Variants in TMEM120B observed in about 807,000 individuals in gnomAD.
TMEM120B encodes transmembrane protein 120B.
Under a neutral mutation model 55.5 loss-of-function variants are expected in TMEM120B, and 31 were observed. The ratio of observed to expected loss-of-function variants is 0.56; its 90% CI spans 0.42 to 0.75. The LOEUF is 0.75. TMEM120B is among the 30% of genes least tolerant of loss of function. The pLI is 0.00. For missense variants in TMEM120B, 399 were observed against 425.5 expected (o/e 0.94, Z 0.55); for synonymous variants, 203 against 176.3 (o/e 1.15, Z -1.20).
At chr12:121,766,091 A>G (rs531436767) in intron 6 of TMEM120B, among the ~76,000 whole-genome samples, 7 of 152,006 alleles carry the variant, frequency 4.6e-5, no homozygotes, top group Non-Finnish European at 1.0e-4. Flanking sequence ...GCTGAACCCT[A>G]CGGGCCTCCT....
chr12:121,718,361 T>G (rs1483777175), intron 1 of TMEM120B, among the ~76,000 whole-genome samples: 1 of 151,930 alleles, frequency 6.6e-6, no homozygotes, highest in East Asian at 1.9e-4. Context: ...AAACCTTAGC[T>G]GGGCATTGGT....
At chr12:121,730,492 A>G (rs1162825498) in intron 1 of TMEM120B, among the ~76,000 whole-genome samples, 1 of 151,356 alleles carries the variant, frequency 6.6e-6, no homozygotes, top group Non-Finnish European at 1.5e-5. Context: ...TAAAAAAAAA[A>G]ATACAAAAAT....
chr12:121,715,332 CAAAAA>C (rs1310951664), intron 1 of TMEM120B, among the ~76,000 whole-genome samples: 4 of 152,050 alleles, frequency 2.6e-5, no homozygotes, highest in African/African-American at 7.2e-5. Flanking sequence ...GACTCCGTCT[CAAAAA>C]CAAAACAAAA....
In TMEM120B at chr12:121,761,684, G is replaced by A; in HGVS notation, c.497G>A (p.Trp166Ter). 6.2e-7 allele frequency: 1 copy of A among 1,613,974 alleles called. No individual in the cohort carries two copies. Among genetic ancestry groups the A allele is most frequent in the Non-Finnish European group, 8.5e-7 (1 of 1,179,966 alleles). ...TDEVFNFLLV[W>*]YYCTLTIRES... ...GAAGTCTTCAACTTCCTGCTGGTGT[G>A]GTATTACTGCACCCTGACCATTCGG... The change falls in exon 6 of 12, where the codon TGG becomes TAG. Residue 166 changes from tryptophan to a stop codon, truncating the protein, a stop_gained. Coordinates refer to ENST00000449592, the MANE Select transcript of TMEM120B (RefSeq NM_001080825.2). LOFTEE classifies it high-confidence loss of function.
At chr12:121,726,026 ACT>A (rs1894882329) in intron 1 of TMEM120B, among the ~76,000 whole-genome samples, 1 of 106,020 alleles carries the variant, frequency 9.4e-6, no homozygotes, top group African/African-American at 3.5e-5. Flanking sequence ...AACAAGCGAG[ACT>A]CTGTCTCAAA....
chr12:121,775,749 G>C lies in TMEM120B; in HGVS notation c.*27G>C. 6.2e-7 allele frequency: 1 copy of C among 1,611,686 alleles called. No individual in the cohort carries two copies. The highest frequency in any genetic ancestry group is 1.7e-5 in the Admixed American group (1 of 59,942). On this transcript the variant is annotated 3_prime_UTR_variant, in exon 12 of 12. Coordinates refer to ENST00000449592, the MANE Select transcript of TMEM120B (RefSeq NM_001080825.2). This position sits in a 1 kb window ranked among gnomAD's most constrained non-coding sequence, Gnocchi z 4.3. ...CCTCGGGCTCCTGTGCCCTCGGCCC[G>C]GACTTCAGACTGCAGGGGGCTCCCG...
rs1566531148 is a variant in TMEM120B at position 121,780,789 on chromosome 12, CTAA to C, written c.*5068_*5070del. 4.0e-6 allele frequency: 6 copies of C among 1,491,886 alleles called. No individual in the cohort carries two copies. The African/African-American group carries it at 5.6e-5, about 14-fold the overall frequency. 92.4% of individuals were successfully genotyped at this position (1,491,886 alleles called of 1,614,324 possible). ...CTTCCCTCAGCTCCCTGAAAGGCCA[CTAA>C]GGCACCCCAGTTGCAGAGGCCAAAG... On this transcript the variant is annotated 3_prime_UTR_variant, in exon 12 of 12. Transcript: ENST00000449592.
intron 6 of TMEM120B, among the ~76,000 whole-genome samples, chr12:121,768,662 C>T (rs1024090857): frequency 3.9e-5 from 6 of 152,174 alleles, no homozygotes; most frequent in Non-Finnish European, 8.8e-5. Context: ...TTGGCTGCTC[C>T]TGGGTGCATT....
intron 1 of TMEM120B, among the ~76,000 whole-genome samples, chr12:121,721,774 C>T (rs1894793045): frequency 1.4e-5 from 2 of 141,442 alleles, no homozygotes; most frequent in South Asian, 4.6e-4. Context: ...AGCCCTGGCC[C>T]TCCTTTTTTT....
intron 1 of TMEM120B, among the ~76,000 whole-genome samples, chr12:121,719,720 G>C (rs1894761196): frequency 6.6e-6 from 1 of 152,028 alleles, no homozygotes; most frequent in African/African-American, 2.4e-5. Flanking sequence ...TTGAGACGGA[G>C]TTTTGCTCTT....
At chr12:121,737,927 T>A (rs1872805039) in intron 1 of TMEM120B, among the ~76,000 whole-genome samples, 1 of 151,136 alleles carries the variant, frequency 6.6e-6, no homozygotes, top group Non-Finnish European at 1.5e-5. Context: ...CAAGAATTAC[T>A]TGAACCCGGG....
chr12:121,775,430 G>A lies in TMEM120B; in HGVS notation c.907-179G>A. The stretch of plus-strand genomic sequence containing the variant: ...GTTCGCCCCATCGAGCCCTTCCCAG[G>A]CCCTGCCCAAGCCTGAGGCCTCACC... On this transcript the variant is annotated intron_variant, in intron 11 of 11. Transcript: ENST00000449592. The surrounding 1 kb of genome is among the most constrained non-coding windows in gnomAD (Gnocchi z 4.3). The A allele has an allele frequency of 2.0e-6, 2 of 985,236 alleles. No homozygotes were observed. Among genetic ancestry groups the A allele is most frequent in the South Asian group, 4.7e-5 (1 of 21,288 alleles). 61.0% of individuals were successfully genotyped at this position (985,236 alleles called of 1,614,324 possible). A position where few individuals can be genotyped will look rare whatever the true frequency, so the allele number is the denominator to read the frequency against.
At position 121,775,018 on chromosome 12, in the gene TMEM120B, C is replaced by T; in HGVS notation, c.838-44C>T. 1 of 1,608,990 alleles carries T rather than the reference C, an allele frequency of 6.2e-7. No individual in the cohort carries two copies. The highest frequency in any genetic ancestry group is 8.5e-7 in the Non-Finnish European group (1 of 1,176,680). The stretch of plus-strand genomic sequence containing the variant: ...TCACCCTGGCTTTCTACGTGGCCGG[C>T]CAGGGGAGTCTGGTGGGTGAGCAGC... On this transcript the variant is annotated intron_variant, in intron 10 of 11. Transcript: ENST00000449592. This position sits in a 1 kb window ranked among gnomAD's most constrained non-coding sequence, Gnocchi z 4.3.
At position 121,716,555 on chromosome 12, in the gene TMEM120B, T is replaced by A. The variant is rs866212772; in HGVS notation, c.69+3591T>A. 4.8e-5 allele frequency among the ~76,000 whole-genome samples: 6 copies of A among 126,160 alleles called. No homozygotes were observed. In the South Asian group the frequency reaches 1.5e-3, roughly 32 times the overall value. The allele number at this position is 126,160 out of a possible 152,430, so 82.8% of individuals were successfully genotyped here. ...CTGTGTCTTACCTCTTTTTCTCTTT[T>A]TTTTTCTTTCTTTTTTTTTTTTTTT... On this transcript the variant is annotated intron_variant, in intron 1 of 11. Coordinates refer to ENST00000449592, the MANE Select transcript of TMEM120B (RefSeq NM_001080825.2).
intron 5 of TMEM120B, among the ~76,000 whole-genome samples, chr12:121,759,281 C>T (rs971594360): frequency 4.6e-5 from 7 of 151,926 alleles, no homozygotes; most frequent in Admixed American, 1.3e-4. Flanking sequence ...CAAATCCGAA[C>T]GGGTCTGCAG....
At chr12:121,727,767 G>A (rs1039758549) in intron 1 of TMEM120B, among the ~76,000 whole-genome samples, 2 of 151,008 alleles carry the variant, frequency 1.3e-5, no homozygotes, top group African/African-American at 2.4e-5. Flanking sequence ...CCAGCTACTC[G>A]GGAGGCTGAG....
chr12:121,752,250 G>T, intron 5 of TMEM120B, 27 bp downstream of exon 5: 1 of 1,602,052 alleles, frequency 6.2e-7, no homozygotes, highest in Non-Finnish European at 8.5e-7. Flanking sequence ...TGTGTGCCTG[G>T]GCCTGGGCAT....
intron 5 of TMEM120B, among the ~76,000 whole-genome samples, chr12:121,752,742 T>C (rs1873369063): frequency 1.3e-5 from 2 of 151,764 alleles, no homozygotes; most frequent in Non-Finnish European, 2.9e-5. Flanking sequence ...AGTCTTGCTC[T>C]GTCACCCCAA....
chr12:121,713,182 G>A (rs2136932290), intron 1 of TMEM120B, among the ~76,000 whole-genome samples: 1 of 152,210 alleles, frequency 6.6e-6, no homozygotes, highest in Admixed American at 6.5e-5. Context: ...CCCCTCTTCC[G>A]CCGCCCTCCC....
Sources: allele counts gnomAD v4.1 joint callset (sites outside exome capture counted in the v4.1 genomes callset), GRCh38; gene constraint gnomAD v4.1.1; non-coding constraint Gnocchi (gnomAD v3.1); transcripts MANE v1.5; gene names NCBI Gene and HGNC (gene_info 2026-07-23, HGNC 2026-07-21).